SH3RF3: variants seen among roughly 807,000 people sequenced by gnomAD.
The protein encoded by SH3RF3 is E3 ubiquitin-protein ligase SH3RF3.
Under a neutral mutation model 66.3 loss-of-function variants are expected in SH3RF3, and 29 were observed. The ratio of observed to expected loss-of-function variants is 0.44; its 90% CI spans 0.33 to 0.60. SH3RF3 has a LOEUF of 0.60. Ranked by LOEUF, SH3RF3 falls within the 20% of genes least tolerant of loss-of-function variation. SH3RF3 has a pLI of 0.04. For synonymous variants in SH3RF3, 583 were observed against 532.0 expected (o/e 1.10, Z -1.32); for missense variants, 1,194 against 1,190.9 (o/e 1.00, Z -0.04).
At chr2:109,477,111 C>T (rs956992160) in intron 8 of SH3RF3, among the ~76,000 whole-genome samples, 1 of 152,302 alleles carries the variant, frequency 6.6e-6, no homozygotes, top group South Asian at 2.1e-4. Flanking sequence ...TTACCTAGCC[C>T]CTACTCAAGA....
chr2:109,139,070 T>A (rs1449799489), intron 1 of SH3RF3, among the ~76,000 whole-genome samples: 1 of 152,256 alleles, frequency 6.6e-6, no homozygotes, highest in Non-Finnish European at 1.5e-5. Flanking sequence ...CAGCTTATTT[T>A]ATTTATCAAA....
intron 7 of SH3RF3, among the ~76,000 whole-genome samples, chr2:109,437,626 G>A (rs1286622703): frequency 1.3e-5 from 2 of 152,186 alleles, no homozygotes; most frequent in African/African-American, 4.8e-5. Context: ...CAGGGCTGGG[G>A]TGAGACTCGG....
chr2:109,431,564 T>C (rs1047285784), intron 5 of SH3RF3, among the ~76,000 whole-genome samples: 1 of 152,218 alleles, frequency 6.6e-6, no homozygotes, highest in Non-Finnish European at 1.5e-5. Flanking sequence ...TTTTCACCAC[T>C]AAATTTGCTC....
At chr2:109,167,358 T>C (rs1029401508) in intron 1 of SH3RF3, among the ~76,000 whole-genome samples, 2 of 152,188 alleles carry the variant, frequency 1.3e-5, no homozygotes, top group Non-Finnish European at 2.9e-5. Context: ...AATTGAATTA[T>C]TAGCTCTCTC....
chr2:109,273,971 C>T (rs1574543875), intron 1 of SH3RF3, among the ~76,000 whole-genome samples: 1 of 152,264 alleles, frequency 6.6e-6, no homozygotes, highest in Non-Finnish European at 1.5e-5. Context: ...AAATGGAATA[C>T]TAATTATGCT....
chr2:109,176,398 T>G (rs1677915559), intron 1 of SH3RF3, among the ~76,000 whole-genome samples: 2 of 152,182 alleles, frequency 1.3e-5, no homozygotes, highest in Non-Finnish European at 2.9e-5. Context: ...TGGAATGCTG[T>G]GTTTTTAGGA....
intron 1 of SH3RF3, among the ~76,000 whole-genome samples, chr2:109,139,014 G>A (rs1676876840): frequency 6.6e-6 from 1 of 152,202 alleles, no homozygotes; most frequent in African/African-American, 2.4e-5. Flanking sequence ...GCCTGATGAT[G>A]GCAGGGGACG....
intron 1 of SH3RF3, among the ~76,000 whole-genome samples, chr2:109,311,717 G>GT (rs1032013816): frequency 6.6e-6 from 1 of 152,148 alleles, no homozygotes; most frequent in African/African-American, 2.4e-5. Flanking sequence ...TGGTGGTTTT[G>GT]TTTTTCCTTG....
chr2:109,362,053 T>C (rs1683059107), intron 2 of SH3RF3, among the ~76,000 whole-genome samples: 1 of 152,136 alleles, frequency 6.6e-6, no homozygotes, highest in Admixed American at 6.5e-5. Flanking sequence ...GATTTTTCTC[T>C]ATTGTTTTCA....
intron 4 of SH3RF3, among the ~76,000 whole-genome samples, chr2:109,403,641 T>G (rs1481997292): frequency 6.6e-6 from 1 of 152,348 alleles, no homozygotes; most frequent in Middle Eastern, 3.4e-3. Context: ...GCTTTGCTTT[T>G]CTTTTAGGCT....
At chr2:109,460,853 T>TCAAAG (rs1314935867) in intron 8 of SH3RF3, among the ~76,000 whole-genome samples, 14 of 152,220 alleles carry the variant, frequency 9.2e-5, no homozygotes, top group Non-Finnish European at 1.8e-4. Context: ...GGTGCATTCC[T>TCAAAG]CAAAGTTCTG....
intron 1 of SH3RF3, among the ~76,000 whole-genome samples, chr2:109,167,055 A>G (rs1677645568): frequency 6.6e-6 from 1 of 152,220 alleles, no homozygotes; most frequent in Non-Finnish European, 1.5e-5. Context: ...TGGGAATACC[A>G]TGGAGGTCAG....
intron 1 of SH3RF3, among the ~76,000 whole-genome samples, chr2:109,270,060 ATGCCGTGAGCTTGGC>A (rs1446030434): frequency 6.6e-6 from 1 of 152,226 alleles, no homozygotes; most frequent in African/African-American, 2.4e-5. Flanking sequence ...AGGAAGCAGG[ATGCCGTGAGCTTGGC>A]TGCCGTGGGG....
intron 4 of SH3RF3, among the ~76,000 whole-genome samples, chr2:109,414,784 G>A (rs1676678670): frequency 6.6e-6 from 1 of 152,188 alleles, no homozygotes; most frequent in South Asian, 2.1e-4. Context: ...CTCTCCAGCA[G>A]CATTTCCATC....
At chr2:109,232,526 C>A (rs992158854) in intron 1 of SH3RF3, among the ~76,000 whole-genome samples, 1 of 152,120 alleles carries the variant, frequency 6.6e-6, no homozygotes, top group African/African-American at 2.4e-5. Flanking sequence ...AACAGCACAG[C>A]GTCTCCCATG....
At chr2:109,478,453 C>T (rs985795390) in intron 8 of SH3RF3, among the ~76,000 whole-genome samples, 1 of 152,144 alleles carries the variant, frequency 6.6e-6, no homozygotes, top group Non-Finnish European at 1.5e-5. Context: ...TTAAGACCTG[C>T]GATTTGGTTT....
chr2:109,254,660 C>T (rs1231398438), intron 1 of SH3RF3, among the ~76,000 whole-genome samples: 1 of 152,142 alleles, frequency 6.6e-6, no homozygotes, highest in Non-Finnish European at 1.5e-5. Flanking sequence ...GGTTTCACTT[C>T]CTGCTGTCTC....
At chr2:109,359,300 T>G (rs1260701724) in intron 2 of SH3RF3, among the ~76,000 whole-genome samples, 1 of 152,250 alleles carries the variant, frequency 6.6e-6, no homozygotes, top group African/African-American at 2.4e-5. Context: ...TGGTCAATAT[T>G]CACAAAAGAA....
intron 8 of SH3RF3, among the ~76,000 whole-genome samples, chr2:109,465,653 T>C (rs1364805688): frequency 3.3e-5 from 5 of 152,206 alleles, no homozygotes; most frequent in Non-Finnish European, 7.3e-5. Context: ...AGAGGTTTAA[T>C]TGGTTATGGT....
Sources: allele counts gnomAD v4.1 joint callset (sites outside exome capture counted in the v4.1 genomes callset), GRCh38; gene constraint gnomAD v4.1.1; transcripts MANE v1.5; gene names NCBI Gene and HGNC (gene_info 2026-07-23, HGNC 2026-07-21).